The following TBL1X variants were observed in gnomAD, a reference collection of about 807,000 sequenced individuals.
The protein encoded by TBL1X is transducin beta like 1 X-linked, also known as F-box-like/WD repeat-containing protein TBL1X.
In TBL1X, 10 loss-of-function variants were observed where a neutral mutation model predicts 50.7. The ratio of observed to expected loss-of-function variants is 0.20; its 90% CI spans 0.12 to 0.33. TBL1X has a LOEUF of 0.33. TBL1X is among the 10% of genes least tolerant of loss of function. TBL1X has a pLI of 1.00. For missense variants in TBL1X, 340 were observed against 504.4 expected, an observed-to-expected ratio of 0.67 and a Z score of 3.12; for synonymous variants, 190 against 214.7, an observed-to-expected ratio of 0.88 and a Z score of 1.01.
At chrX:9,677,032 C>T (rs769386113) in intron 5 of TBL1X, among the ~76,000 whole-genome samples, 1 of 111,446 alleles carries the variant, frequency 9.0e-6, no homozygotes, top group Admixed American at 9.5e-5. Flanking sequence ...TTCCTAACTC[C>T]GTGAGAGTGT....
intron 1 of TBL1X, among the ~76,000 whole-genome samples, chrX:9,496,766 C>T (rs779716447): frequency 9.0e-5 from 10 of 111,717 alleles, no homozygotes; most frequent in Admixed American, 2.8e-4. Flanking sequence ...TTGGATCAGA[C>T]GTTCCTAGCC....
chrX:9,516,996 C>T (rs1163527025), intron 2 of TBL1X, among the ~76,000 whole-genome samples: 1 of 111,536 alleles, frequency 9.0e-6, no homozygotes, highest in Non-Finnish European at 1.9e-5. Flanking sequence ...TATTTTGTTA[C>T]AGCACAAAGT....
chrX:9,639,063 A>G (rs16985634), intron 2 of TBL1X, among the ~76,000 whole-genome samples: 2,204 of 111,540 alleles, frequency 0.02, 26 homozygotes, highest in African/African-American at 0.043. Flanking sequence ...ATTTTTTACA[A>G]ATTGCCCTGG....
intron 2 of TBL1X, among the ~76,000 whole-genome samples, chrX:9,518,472 A>T (rs2146964079): frequency 8.9e-6 from 1 of 112,296 alleles, no homozygotes; most frequent in South Asian, 3.7e-4. Context: ...CACTTACTTC[A>T]TGTGAAGTCT....
chrX:9,718,813 T>C lies in TBL1X; in HGVS notation c.*2567T>C, dbSNP rs770229105. ...ATGTCGGAATTGTTAGGTAGAAACC[T>C]GGGCTGGGAGGCCTCGGACCCCAGG... On this transcript the variant is annotated 3_prime_UTR_variant, in exon 18 of 18. Transcript: ENST00000645353. The C allele has an allele frequency of 8.9e-6, 1 of 112,115 alleles. No individual in the cohort carries two copies. The highest frequency in any genetic ancestry group is 3.2e-5 in the African/African-American group (1 of 30,854). 9.2% of individuals were successfully genotyped at this position (112,115 alleles called of 1,213,427 possible).
intron 5 of TBL1X, among the ~76,000 whole-genome samples, chrX:9,664,579 G>A (rs973015150): frequency 1.1e-4 from 12 of 111,491 alleles, no homozygotes; most frequent in South Asian, 3.9e-4. Context: ...GGAAAAAGTC[G>A]GTGCATGGCT....
chrX:9,486,860 CTT>C (rs1331628368), intron 1 of TBL1X, among the ~76,000 whole-genome samples: 54 of 111,418 alleles, frequency 4.8e-4, no homozygotes, highest in Non-Finnish European at 2.8e-4. Context: ...ACTGTGGACT[CTT>C]TGTTGCAAAA....
intron 2 of TBL1X, among the ~76,000 whole-genome samples, chrX:9,543,473 C>T (rs1202477461): frequency 9.1e-6 from 1 of 109,850 alleles, no homozygotes; most frequent in Non-Finnish European, 1.9e-5. Flanking sequence ...TCTCCCTCCT[C>T]CCCCCTCCTC....
intron 1 of TBL1X, among the ~76,000 whole-genome samples, chrX:9,469,755 CA>C (rs1327124638): frequency 1.8e-5 from 2 of 112,038 alleles, no homozygotes; most frequent in South Asian, 7.5e-4. Context: ...CTCTGTCTCC[CA>C]CAGTTCCTCC....
chrX:9,494,172 T>A (rs1383336337), intron 1 of TBL1X, among the ~76,000 whole-genome samples: 4 of 111,564 alleles, frequency 3.6e-5, no homozygotes, highest in Non-Finnish European at 7.5e-5. Flanking sequence ...CACAGCGGAT[T>A]TGTATAATTA....
intron 12 of TBL1X, among the ~76,000 whole-genome samples, chrX:9,703,020 G>A (rs2083184242): frequency 9.0e-6 from 1 of 111,674 alleles, no homozygotes; most frequent in African/African-American, 3.3e-5. Flanking sequence ...CCTTAAATTA[G>A]CATGAACCCT....
chrX:9,682,525 G>A (rs1301740781), intron 5 of TBL1X, among the ~76,000 whole-genome samples: 1 of 112,201 alleles, frequency 8.9e-6, no homozygotes, highest in African/African-American at 3.2e-5. Context: ...GAGGAGGAGG[G>A]AGAGTAGACA....
At chrX:9,587,533 A>ATGGT (rs1447367844) in intron 2 of TBL1X, among the ~76,000 whole-genome samples, 3 of 111,824 alleles carry the variant, frequency 2.7e-5, no homozygotes, top group African/African-American at 9.8e-5. Flanking sequence ...CATGTTTACC[A>ATGGT]GGGCCAGAGT....
intron 1 of TBL1X, among the ~76,000 whole-genome samples, chrX:9,495,661 A>G (rs1876425005): frequency 9.0e-6 from 1 of 111,476 alleles, no homozygotes; most frequent in African/African-American, 3.3e-5. Context: ...TCACGCCAAC[A>G]GCACTGTGAC....
chrX:9,688,510 G>T lies in TBL1X; in HGVS notation c.616+235G>T, dbSNP rs2083075946. ...AACTTTAGGAAATCGTGCTGCGCCT[G>T]CTAATCTGAGAACTCTCATGTAACA... On this transcript the variant is annotated intron_variant, in intron 7 of 17. Transcript: ENST00000645353. Among the ~76,000 whole-genome samples, 4 of 112,358 alleles carry T rather than the reference G, an allele frequency of 3.6e-5. No homozygotes were observed. In the South Asian group the frequency reaches 1.5e-3, roughly 41 times the overall value.
Position 9,679,113 on chromosome X carries a change from A to G in TBL1X, c.212-4930A>G, listed in dbSNP as rs747002078. Reference sequence around the variant, plus strand: ...TTATGTTATCTAAGGTCTATGACCAATTGCATGCAGAGGGTGGCTTGCTTT... The same window carrying G: ...TTATGTTATCTAAGGTCTATGACCAGTTGCATGCAGAGGGTGGCTTGCTTT... On this transcript the variant is annotated intron_variant, in intron 5 of 17. Coordinates refer to ENST00000645353, the MANE Select transcript of TBL1X (RefSeq NM_005647.4). Among the ~76,000 whole-genome samples the G allele has an allele frequency of 5.7e-4, 62 of 108,140 alleles. 1 individual carries two copies. Among genetic ancestry groups the G allele is most frequent in the African/African-American group, 2.0e-3 (59 of 29,636 alleles). The allele number at this position is 108,140 out of a possible 115,157, so 93.9% of individuals were successfully genotyped here.
chrX:9,685,717 C>CTTTTTTTTTTTTTTTTT (rs752837096), intron 6 of TBL1X, among the ~76,000 whole-genome samples: 17 of 59,560 alleles, frequency 2.9e-4, no homozygotes, highest in Non-Finnish European at 3.7e-4. Flanking sequence ...CTTTTCTTTT[C>CTTTTTTTTTTTTTTTTT]TTTTTTTTTT....
intron 3 of TBL1X, among the ~76,000 whole-genome samples, chrX:9,652,438 G>T (rs1013348198): frequency 8.9e-6 from 1 of 112,035 alleles, no homozygotes; most frequent in African/African-American, 3.2e-5. Context: ...CATATACTTT[G>T]TACTTTTCTC....
Position 9,498,480 on chromosome X carries a change from TA to T in TBL1X, c.-200-3297del, listed in dbSNP as rs746158764. ...TCTGCTTTCCCTGACAGCTCCTTGATAAACGAAATGATGGATGTGCAGCGTG... is the reference window on the plus strand; with the variant it reads ...TCTGCTTTCCCTGACAGCTCCTTGATAACGAAATGATGGATGTGCAGCGTG... On this transcript the variant is annotated intron_variant, in intron 1 of 17. Coordinates refer to ENST00000645353, the MANE Select transcript of TBL1X (RefSeq NM_005647.4). Among the ~76,000 whole-genome samples, 8 of 112,527 alleles carry T rather than the reference TA, an allele frequency of 7.1e-5. No homozygotes were observed. In the South Asian group the frequency reaches 2.9e-3, roughly 41 times the overall value.
Sources: allele counts gnomAD v4.1 joint callset (sites outside exome capture counted in the v4.1 genomes callset), GRCh38; gene constraint gnomAD v4.1.1; transcripts MANE v1.5; gene names NCBI Gene and HGNC (gene_info 2026-07-23, HGNC 2026-07-21).